The following CHFR variants were observed in gnomAD, a reference collection of about 807,000 sequenced individuals.
CHFR encodes the protein checkpoint with forkhead and ring finger domains, also known as E3 ubiquitin-protein ligase CHFR.
In CHFR, 57 loss-of-function variants were observed where a neutral mutation model predicts 87.6. The observed-to-expected ratio is 0.65, with a 90% CI of 0.53 to 0.81. CHFR has a LOEUF of 0.81. CHFR is among the 30% of genes least tolerant of loss of function. CHFR has a pLI of 0.00. For missense variants in CHFR, 797 were observed against 865.8 expected (o/e 0.92, Z 1.00); for synonymous variants, 381 against 359.2 (o/e 1.06, Z -0.69).
At chr12:132,857,745 C>T (rs1951114808) in intron 8 of CHFR, among the ~76,000 whole-genome samples, 186 bp from the exon 9 acceptor site, 1 of 152,174 alleles carries the variant, frequency 6.6e-6, no homozygotes, top group East Asian at 1.9e-4. Context: ...TCTGTGTTTT[C>T]AGGAAAGACA....
At chr12:132,886,945 A>C (rs1951908874) in intron 2 of CHFR, among the ~76,000 whole-genome samples, 1 of 152,224 alleles carries the variant, frequency 6.6e-6, no homozygotes, top group South Asian at 2.1e-4. Flanking sequence ...ACGGCAACGA[A>C]CGTGACAATA....
chr12:132,857,426 C>T lies in CHFR; in HGVS notation c.1045G>A (p.Ala349Thr), dbSNP rs1213131732. The T allele has an allele frequency of 6.2e-7, 1 of 1,614,062 alleles. No individual in the cohort carries two copies. The highest frequency in any genetic ancestry group is 2.2e-5 in the East Asian group (1 of 44,892). The stretch of plus-strand genomic sequence containing the variant: ...TTGCCTGGATGCTGGATGAGGTATG[C>T]TTCCACGAGGTTGTTGAGGATGTGG... The part of the protein sequence containing the change: ...KNHILNNLVE[A>T]YLIQHPDKSR... The change falls in exon 9 of 18, where the codon GCA becomes ACA. Residue 349 changes from alanine to threonine, a missense_variant. Around this residue, in one of 2 missense-constraint regions of CHFR, gnomAD observed 597 missense variants for 601.2 expected, o/e 0.99. Coordinates refer to ENST00000450056, the MANE Select transcript of CHFR (RefSeq NM_001161346.2).
chr12:132,881,432 A>G (rs1951767393), intron 2 of CHFR, among the ~76,000 whole-genome samples: 1 of 152,234 alleles, frequency 6.6e-6, no homozygotes, highest in Non-Finnish European at 1.5e-5. Flanking sequence ...ATGCAACTTA[A>G]AACAATTTAA....
At position 132,887,020 on chromosome 12, in the gene CHFR, G is replaced by C. The variant is rs149683803; in HGVS notation, c.133+176C>G. 4.6e-3 allele frequency among the ~76,000 whole-genome samples: 696 copies of C among 152,332 alleles called. 11 individuals are homozygous for C. The highest frequency in any genetic ancestry group is 0.016 in the African/African-American group (679 of 41,566). Reference sequence around the variant, plus strand: ...AGTTGTAACGAAGGCTAAATGATGTGCGTGAATCATGCGCAAGAATCGGTG... The same window carrying C: ...AGTTGTAACGAAGGCTAAATGATGTCCGTGAATCATGCGCAAGAATCGGTG... On this transcript the variant is annotated intron_variant, in intron 2 of 17. Coordinates refer to ENST00000450056, the MANE Select transcript of CHFR (RefSeq NM_001161346.2).
At position 132,843,918 on chromosome 12, in the gene CHFR, C is replaced by T. The variant is rs1246594363; in HGVS notation, c.1843+109G>A. The T allele has an allele frequency of 1.2e-5, 8 of 659,392 alleles. No homozygotes were observed. The South Asian group carries it at 1.3e-4, about 11-fold the overall frequency. 40.8% of individuals were successfully genotyped at this position (659,392 alleles called of 1,614,324 possible). A position where few individuals can be genotyped will look rare whatever the true frequency, so the allele number is the denominator to read the frequency against. ...GAGCCGAGATTGCACCACTGCACTC[C>T]AGCCTGGGCAAAAACAGCGAAACTG... On this transcript the variant is annotated intron_variant, in intron 16 of 17. Coordinates refer to ENST00000450056, the MANE Select transcript of CHFR (RefSeq NM_001161346.2).
rs1951932164 is a variant in CHFR at position 132,887,549 on chromosome 12, C to G, written c.-15G>C. ...GCCCCCTCGCCAGCCGCGCTTACCCCCGCCCCGCGCCGAACCCGGAACCGG... is the reference window on the plus strand; with the variant it reads ...GCCCCCTCGCCAGCCGCGCTTACCCGCGCCCCGCGCCGAACCCGGAACCGG... On this transcript the variant is annotated splice_region_variant and 5_prime_UTR_variant, in exon 1 of 18. Transcript: ENST00000450056. 1 of 163,736 alleles carries G rather than the reference C, an allele frequency of 6.1e-6. No homozygotes were observed. Among genetic ancestry groups the G allele is most frequent in the Non-Finnish European group, 1.3e-5 (1 of 78,364 alleles). 10.1% of individuals were successfully genotyped at this position (163,736 alleles called of 1,614,324 possible).
Position 132,857,540 on chromosome 12 carries a change from T to C in CHFR, c.931A>G (p.Thr311Ala). 1 of 1,614,062 alleles carries C rather than the reference T, an allele frequency of 6.2e-7. No homozygotes were observed. The highest frequency in any genetic ancestry group is 8.5e-7 in the Non-Finnish European group (1 of 1,179,966). The change falls in exon 9 of 18, where the codon ACG (threonine) becomes GCG (alanine). Residue 311 changes from threonine (T) to alanine (A), a missense_variant. Thr to Ala is a moderately conservative substitution (Grantham distance 58). Around this residue, in one of 2 missense-constraint regions of CHFR, gnomAD observed 597 missense variants for 601.2 expected, o/e 0.99. Coordinates refer to ENST00000450056, the MANE Select transcript of CHFR (RefSeq NM_001161346.2). ...CCCGAGTAGCAAGCCGCGCAGAACG[T>C]GTGCATGCAGGGCTGCAAACTGAAA... ...DCVSLQPCMH[T>A]FCAACYSGWM...
intron 9 of CHFR, among the ~76,000 whole-genome samples, chr12:132,856,895 C>T (rs1469047007): frequency 7.5e-6 from 1 of 132,652 alleles, no homozygotes; most frequent in Non-Finnish European, 1.6e-5. Flanking sequence ...TGCCTGGGTG[C>T]TGGTGGAGGG....
rs567899829 is a variant in CHFR, at chr12:132,844,468, T to G, written c.1736-334A>C. On this transcript the variant is annotated intron_variant, in intron 15 of 17. Coordinates refer to ENST00000450056, the MANE Select transcript of CHFR (RefSeq NM_001161346.2). ...CCGGGCTAATTTTTTGTATTTTTAG[T>G]AGAGACTGGGTTTCACCGTGTTAGC... Among the ~76,000 whole-genome samples, 915 of 108,488 alleles carry G rather than the reference T, an allele frequency of 8.4e-3. 45 individuals are homozygous for G. Among genetic ancestry groups the G allele is most frequent in the African/African-American group, 0.022 (826 of 37,946 alleles). The allele number at this position is 108,488 out of a possible 152,430, so 71.2% of individuals were successfully genotyped here. A position where few individuals can be genotyped will look rare whatever the true frequency, so the allele number is the denominator to read the frequency against.
intron 15 of CHFR, 37 bp from the exon 16 acceptor site, chr12:132,844,171 C>T: frequency 1.5e-6 from 2 of 1,324,836 alleles, no homozygotes; most frequent in South Asian, 1.2e-5. Flanking sequence ...GCAACACCAT[C>T]TTCCCAACAG....
chr12:132,862,642 G>A (rs899164683), intron 6 of CHFR, among the ~76,000 whole-genome samples: 1 of 151,974 alleles, frequency 6.6e-6, no homozygotes, highest in African/African-American at 2.4e-5. Flanking sequence ...CCAGGCTGGA[G>A]TGCAGTGGCT....
At chr12:132,874,788 AC>A in intron 3 of CHFR, among the ~76,000 whole-genome samples, 1 of 149,476 alleles carries the variant, frequency 6.7e-6, no homozygotes, top group Non-Finnish European at 1.5e-5. Flanking sequence ...CAGGACCAGC[AC>A]CCAGCGTGGG....
rs1411200957 is a variant in CHFR at position 132,848,081 on chromosome 12, G to C, written c.1647+4C>G. 6.2e-7 allele frequency: 1 copy of C among 1,613,898 alleles called. No individual in the cohort carries two copies. The highest frequency in any genetic ancestry group is 8.5e-7 in the Non-Finnish European group (1 of 1,180,020). On this transcript the variant is annotated splice_donor_region_variant and intron_variant, in intron 14 of 17. Coordinates refer to ENST00000450056, the MANE Select transcript of CHFR (RefSeq NM_001161346.2). ...CGGCTCCCCAGCCCGCAGCGAGTCG[G>C]TACCTTCAGGATGTCTGACTCGTAG...
At chr12:132,877,794 A>C in intron 2 of CHFR, 140 bp from the exon 3 acceptor site, 1 of 500,020 alleles carries the variant, frequency 2.0e-6, no homozygotes. Context: ...ACCAAGAAAG[A>C]CATAAAGAAA....
chr12:132,846,387 C>T (rs996065686), intron 15 of CHFR, among the ~76,000 whole-genome samples: 16 of 151,898 alleles, frequency 1.1e-4, no homozygotes, highest in Non-Finnish European at 1.9e-4. Flanking sequence ...CTCAGCCTCC[C>T]GAGTAGCTGG....
At chr12:132,845,628 C>T (rs1260965940) in intron 15 of CHFR, among the ~76,000 whole-genome samples, 2 of 152,000 alleles carry the variant, frequency 1.3e-5, no homozygotes, top group Non-Finnish European at 2.9e-5. Context: ...CCAGCCTGGG[C>T]GACAGAGCAA....
Position 132,856,515 on chromosome 12 carries a change from C to T in CHFR, c.1182G>A (p.Glu394=). The T allele has an allele frequency of 6.2e-7, 1 of 1,614,236 alleles. No homozygotes were observed. Among genetic ancestry groups the T allele is most frequent in the Non-Finnish European group, 8.5e-7 (1 of 1,180,052 alleles). Residue 394 remains glutamate (E), a synonymous_variant, in exon 10 of 18, where the codon GAG becomes GAA. Coordinates refer to ENST00000450056, the MANE Select transcript of CHFR (RefSeq NM_001161346.2). The stretch of plus-strand genomic sequence containing the variant: ...CAACGTCTGACAGCTCCAGCAGGTC[C>T]TCTGAACTCCCTTCTTCATCAGAAA... ...RSFSDEEGSS[E]DLLELSDVDS...
At chr12:132,885,097 AAAAAT>A (rs1339949208) in intron 2 of CHFR, among the ~76,000 whole-genome samples, 4 of 151,134 alleles carry the variant, frequency 2.6e-5, no homozygotes. Flanking sequence ...CAAAAATTAA[AAAAAT>A]AAAATAAAAT....
rs572274927 is a variant in CHFR at position 132,840,774 on chromosome 12, C to T, written c.*780G>A. 1 of 152,062 alleles carries T rather than the reference C, an allele frequency of 6.6e-6. No individual in the cohort carries two copies. The highest frequency in any genetic ancestry group is 1.5e-5 in the Non-Finnish European group (1 of 68,064). The allele number at this position is 152,062 out of a possible 1,614,324, so 9.4% of individuals were successfully genotyped here. A position where few individuals can be genotyped will look rare whatever the true frequency, so the allele number is the denominator to read the frequency against. ...CTGCGTCCAGCCCCAGGCTCGGGGC[C>T]GCGGTCACTCACACAAGGGAGCAGC... On this transcript the variant is annotated 3_prime_UTR_variant, in exon 18 of 18. Transcript: ENST00000450056.
Sources: allele counts gnomAD v4.1 joint callset (sites outside exome capture counted in the v4.1 genomes callset), GRCh38; gene constraint gnomAD v4.1.1; regional missense constraint gnomAD v4.1.1; transcripts MANE v1.5; gene names NCBI Gene and HGNC (gene_info 2026-07-23, HGNC 2026-07-21).